The following CALN1 variants were observed in gnomAD, a reference collection of about 807,000 sequenced individuals.
CALN1 encodes the protein calneuron 1.
Under a neutral mutation model 30.6 loss-of-function variants are expected in CALN1, and 17 were observed. The ratio of observed to expected loss-of-function variants is 0.56; its 90% CI spans 0.38 to 0.83. The LOEUF (loss-of-function observed/expected upper bound fraction) is 0.83. CALN1 is among the 40% of genes least tolerant of loss of function. CALN1 has a pLI of 0.00. For synonymous variants in CALN1, 156 were observed against 131.4 expected (o/e 1.19, Z -1.28); for missense variants, 291 against 354.9 (o/e 0.82, Z 1.45).
intron 4 of CALN1, among the ~76,000 whole-genome samples, chr7:72,031,216 T>C (rs546261152): frequency 6.6e-6 from 1 of 152,254 alleles, no homozygotes; most frequent in African/African-American, 2.4e-5. Context: ...CAGCTTTTCT[T>C]ACCAAGCGAG....
chr7:72,124,526 C>A (rs1160725827), intron 3 of CALN1, among the ~76,000 whole-genome samples: 1 of 151,958 alleles, frequency 6.6e-6, no homozygotes, highest in African/African-American at 2.4e-5. Flanking sequence ...TAACTGCGTG[C>A]CTGTAGTCCC....
At chr7:72,288,128 C>G (rs2129554674) in intron 2 of CALN1, among the ~76,000 whole-genome samples, 1 of 152,256 alleles carries the variant, frequency 6.6e-6, no homozygotes, top group African/African-American at 2.4e-5. Context: ...GCGGTCAAGA[C>G]ACTGACTGGG....
chr7:71,939,107 T>C (rs139698310), intron 5 of CALN1, among the ~76,000 whole-genome samples: 31 of 152,260 alleles, frequency 2.0e-4, no homozygotes, highest in South Asian at 1.7e-3. Context: ...AAAGACAGCA[T>C]GCATTTTAAG....
chr7:71,947,303 G>T (rs950353852), intron 5 of CALN1, among the ~76,000 whole-genome samples: 1 of 152,124 alleles, frequency 6.6e-6, no homozygotes, highest in Non-Finnish European at 1.5e-5. Flanking sequence ...GAGCCACTGC[G>T]CCCCGCCAGT....
chr7:72,354,144 G>T (rs1321941088), intron 2 of CALN1, among the ~76,000 whole-genome samples: 1 of 152,116 alleles, frequency 6.6e-6, no homozygotes, highest in Non-Finnish European at 1.5e-5. Flanking sequence ...ACGAAATTGT[G>T]CCACTGCACT....
At chr7:72,029,933 G>A (rs943619752) in intron 4 of CALN1, among the ~76,000 whole-genome samples, 26 of 152,244 alleles carry the variant, frequency 1.7e-4, no homozygotes, top group African/African-American at 1.2e-4. Context: ...AGGTGGCCAC[G>A]TGGACTTTGA....
chr7:72,225,544 G>A (rs1316144117), intron 3 of CALN1, among the ~76,000 whole-genome samples: 3 of 151,910 alleles, frequency 2.0e-5, no homozygotes, highest in South Asian at 2.1e-4. Flanking sequence ...GCAGCTAGAC[G>A]GAAAGATCAC....
chr7:72,406,085 G>A (rs1018583283), intron 1 of CALN1, among the ~76,000 whole-genome samples: 49 of 152,282 alleles, frequency 3.2e-4, no homozygotes, highest in Non-Finnish European at 6.0e-4. Context: ...CCTCACTGCG[G>A]CACTCGCGAT....
At chr7:72,334,590 C>G (rs1562898160) in intron 2 of CALN1, among the ~76,000 whole-genome samples, 1 of 152,136 alleles carries the variant, frequency 6.6e-6, no homozygotes, top group Non-Finnish European at 1.5e-5. Flanking sequence ...CGTTTCTCAA[C>G]AGAAGCAGCT....
chr7:72,278,050 TG>T (rs5884881), intron 3 of CALN1, among the ~76,000 whole-genome samples: 46,791 of 142,060 alleles, frequency 0.33, 9,013 homozygotes, highest in Middle Eastern at 0.48. Flanking sequence ...ATTAGAGGAT[TG>T]GTTTATCCAA....
At chr7:72,169,983 G>A (rs113142699) in intron 3 of CALN1, among the ~76,000 whole-genome samples, 193 of 151,002 alleles carry the variant, frequency 1.3e-3, no homozygotes, top group Non-Finnish European at 2.1e-3. Flanking sequence ...GTGAGACACC[G>A]CACCTGGCCA....
intron 3 of CALN1, among the ~76,000 whole-genome samples, chr7:72,123,759 A>G (rs1254712989): frequency 6.6e-6 from 1 of 152,170 alleles, no homozygotes; most frequent in Non-Finnish European, 1.5e-5. Context: ...TATGAAGGAA[A>G]TTGTTCTCCA....
chr7:72,273,205 G>A (rs1209186228), intron 3 of CALN1, among the ~76,000 whole-genome samples: 1 of 152,102 alleles, frequency 6.6e-6, no homozygotes, highest in Non-Finnish European at 1.5e-5. Flanking sequence ...AGGCCAAGGT[G>A]GGCAGATCAC....
chr7:72,197,557 A>G (rs1259924724), intron 3 of CALN1, among the ~76,000 whole-genome samples: 1 of 152,124 alleles, frequency 6.6e-6, no homozygotes, highest in Non-Finnish European at 1.5e-5. Context: ...CTGGCTGGAC[A>G]TAGTGGCTCA....
chr7:72,317,543 G>A lies in CALN1; in HGVS notation c.120-38733C>T, dbSNP rs1457861813. Among the ~76,000 whole-genome samples, 4 of 152,302 alleles carry A rather than the reference G, an allele frequency of 2.6e-5. No individual in the cohort carries two copies. In the East Asian group the frequency reaches 7.7e-4, roughly 29 times the overall value. ...AGAGAACTGATGACAGCCAGCATCT[G>A]GTAGGATGGGACAGCTGGGCTGCAA... On this transcript the variant is annotated intron_variant, in intron 2 of 6. Transcript: ENST00000395275.
chr7:71,814,453 GGA>G (rs1341517535), intron 5 of CALN1, among the ~76,000 whole-genome samples: 1 of 152,174 alleles, frequency 6.6e-6, no homozygotes, highest in Non-Finnish European at 1.5e-5. Flanking sequence ...CCTGGGGAGG[GGA>G]GGAGTATATT....
chr7:72,271,185 G>T (rs1187347415), intron 3 of CALN1, among the ~76,000 whole-genome samples: 1 of 152,162 alleles, frequency 6.6e-6, no homozygotes, highest in East Asian at 1.9e-4. Flanking sequence ...AGGGACTTGT[G>T]AGACACCTGC....
intron 5 of CALN1, among the ~76,000 whole-genome samples, chr7:71,859,876 G>A (rs113395045): frequency 2.7e-3 from 406 of 152,260 alleles, no homozygotes; most frequent in Non-Finnish European, 5.0e-3. Context: ...AGGACATTAG[G>A]TATTCTTAGC....
intron 2 of CALN1, among the ~76,000 whole-genome samples, chr7:72,287,600 C>T (rs974053078): frequency 1.3e-5 from 2 of 151,836 alleles, no homozygotes; most frequent in South Asian, 2.1e-4. Context: ...GCGCCCGCCA[C>T]GACGCACGGC....
Sources: allele counts gnomAD v4.1 joint callset (sites outside exome capture counted in the v4.1 genomes callset), GRCh38; gene constraint gnomAD v4.1.1; transcripts MANE v1.5; gene names NCBI Gene and HGNC (gene_info 2026-07-23, HGNC 2026-07-21).